The following SHTN1 variants were observed in gnomAD, a reference collection of about 807,000 sequenced individuals.
SHTN1 encodes shootin 1.
A neutral mutation model predicts 83.1 loss-of-function variants in SHTN1; 42 were observed. The observed-to-expected ratio is 0.51, with a 90% CI of 0.39 to 0.65. The LOEUF (loss-of-function observed/expected upper bound fraction) is 0.65, where lower values mean the gene tolerates loss of function less well. Ranked by LOEUF, SHTN1 falls within the 30% of genes least tolerant of loss-of-function variation. SHTN1 has a pLI of 0.00. For synonymous variants in SHTN1, 224 were observed against 247.7 expected (o/e 0.90, Z 0.90); for missense variants, 622 against 737.8 (o/e 0.84, Z 1.82).
At chr10:117,068,438 T>G (rs1256495241) in intron 1 of SHTN1, among the ~76,000 whole-genome samples, 1 of 151,890 alleles carries the variant, frequency 6.6e-6, no homozygotes, top group Non-Finnish European at 1.5e-5. Flanking sequence ...GGCACCAATC[T>G]CGGATTACAG....
intron 2 of SHTN1, among the ~76,000 whole-genome samples, chr10:117,017,176 G>A (rs1852191286): frequency 6.6e-6 from 1 of 152,106 alleles, no homozygotes; most frequent in Non-Finnish European, 1.5e-5. Context: ...AACAGCTGCA[G>A]TTAGAAAAAT....
At chr10:117,067,408 T>C (rs550905007) in intron 1 of SHTN1, among the ~76,000 whole-genome samples, 1 of 152,106 alleles carries the variant, frequency 6.6e-6, no homozygotes, top group South Asian at 2.1e-4. Context: ...CTAGCCAACA[T>C]GGGGGAAACC....
At chr10:117,005,577 T>C (rs2133550152), upstream of SHTN1, 1 of 995,468 alleles carries the variant, frequency 1.0e-6, no homozygotes, top group Non-Finnish European at 1.2e-6. Context: ...CGGGACGCAA[T>C]GAGCCATGAA....
intron 1 of SHTN1, among the ~76,000 whole-genome samples, chr10:117,001,730 G>A (rs558652502): frequency 6.6e-6 from 1 of 152,300 alleles, no homozygotes; most frequent in Non-Finnish European, 1.5e-5. Context: ...AGAGATAGAA[G>A]AGAGGACTTG....
chr10:117,064,473 G>C (rs1852943951), intron 1 of SHTN1, among the ~76,000 whole-genome samples: 1 of 152,070 alleles, frequency 6.6e-6, no homozygotes, highest in African/African-American at 2.4e-5. Context: ...GGCCAACATA[G>C]TGAAACTCCG....
chr10:116,934,660 T>C (rs1306586172), intron 9 of SHTN1, among the ~76,000 whole-genome samples: 2 of 152,182 alleles, frequency 1.3e-5, no homozygotes, highest in Non-Finnish European at 2.9e-5. Context: ...GGCTTTTTTT[T>C]CAGTTCCATA....
intron 16 of SHTN1, among the ~76,000 whole-genome samples, chr10:116,889,685 T>C (rs1847275343): frequency 6.6e-6 from 1 of 152,206 alleles, no homozygotes; most frequent in Admixed American, 6.5e-5. Flanking sequence ...GCCTTTTCCA[T>C]GACAGCATGC....
chr10:116,906,731 G>C lies in SHTN1; in HGVS notation c.1376C>G (p.Ser459Cys). 6.2e-7 allele frequency: 1 copy of C among 1,612,382 alleles called. No homozygotes were observed. Among genetic ancestry groups the C allele is most frequent in the Non-Finnish European group, 8.5e-7 (1 of 1,179,204 alleles). Reference protein sequence around the residue: ...LKGILGTLNKSTSSRSLKSLD... With the variant: ...LKGILGTLNKCTSSRSLKSLD... ...GGATTTTAAGCTTCTTGAACTAGTG[G>C]ATTTGTTAAGTGTCCCCTAAAGTGA... Residue 459 changes from serine to cysteine, a missense_variant, in exon 15 of 17, where the codon TCC becomes TGC. Around this residue, in one of 3 missense-constraint regions of SHTN1, gnomAD observed 231 missense variants for 251.6 expected, o/e 0.92. Coordinates refer to ENST00000355371, the MANE Select transcript of SHTN1 (RefSeq NM_001127211.3).
At chr10:117,125,735 A>G (rs1157815996) in intron 1 of SHTN1, among the ~76,000 whole-genome samples, 1 of 152,100 alleles carries the variant, frequency 6.6e-6, no homozygotes, top group Non-Finnish European at 1.5e-5. Flanking sequence ...TGATCATCTC[A>G]GAATTCTACA....
upstream of SHTN1, among the ~76,000 whole-genome samples, chr10:117,005,886 C>A (rs1851998227): frequency 6.6e-6 from 1 of 152,204 alleles, no homozygotes; most frequent in South Asian, 2.1e-4. Context: ...ATGACCTTCC[C>A]TTTAGAGAGG....
At chr10:117,044,398 C>G (rs1394475934) in intron 2 of SHTN1, among the ~76,000 whole-genome samples, 1 of 152,028 alleles carries the variant, frequency 6.6e-6, no homozygotes. Context: ...CTCACCTACA[C>G]GAAAGCCTTA....
intron 16 of SHTN1, among the ~76,000 whole-genome samples, chr10:116,890,827 A>G (rs1022781655): frequency 2.0e-5 from 3 of 152,262 alleles, no homozygotes; most frequent in Non-Finnish European, 2.9e-5. Context: ...GGCAATGGCC[A>G]TGCCAACGCT....
At chr10:117,101,828 C>T (rs1462575169) in intron 1 of SHTN1, among the ~76,000 whole-genome samples, 1 of 152,122 alleles carries the variant, frequency 6.6e-6, no homozygotes, top group Non-Finnish European at 1.5e-5. Flanking sequence ...TACTTTTGGA[C>T]CACTTGGCTG....
chr10:117,099,188 G>A (rs904997606), intron 1 of SHTN1, among the ~76,000 whole-genome samples: 1 of 151,952 alleles, frequency 6.6e-6, no homozygotes, highest in Non-Finnish European at 1.5e-5. Context: ...ATATGAGGAC[G>A]CAAAAACATG....
At position 117,097,135 on chromosome 10, in the gene SHTN1, A is replaced by T. The variant is rs4489660; in HGVS notation, c.-189+29172T>A. Reference sequence around the variant, plus strand: ...CTCAAATTCTTCATTTCATAACTTCATCTTATAAACTGGTTTGGTTCTCTG... The same window carrying T: ...CTCAAATTCTTCATTTCATAACTTCTTCTTATAAACTGGTTTGGTTCTCTG... On this transcript the variant is annotated intron_variant, in intron 1 of 17. Transcript: ENST00000392901. 8.2e-3 allele frequency among the ~76,000 whole-genome samples: 1,249 copies of T among 152,316 alleles called. 12 individuals carry two copies. Among genetic ancestry groups the T allele is most frequent in the Non-Finnish European group, 0.014 (951 of 68,036 alleles).
chr10:116,940,394 C>T, intron 9 of SHTN1, 72 bp downstream of exon 9: 3 of 1,455,760 alleles, frequency 2.1e-6, no homozygotes, highest in South Asian at 1.4e-5. Flanking sequence ...CACTGGCTCC[C>T]TTCATCTTAA....
chr10:117,010,517 C>A (rs892968015), upstream of SHTN1, among the ~76,000 whole-genome samples: 1 of 152,130 alleles, frequency 6.6e-6, no homozygotes, highest in Non-Finnish European at 1.5e-5. Flanking sequence ...AGAATTAACA[C>A]CAGTCTTTCT....
intron 16 of SHTN1, among the ~76,000 whole-genome samples, chr10:116,888,919 CTAA>C (rs1473395161): frequency 6.6e-6 from 1 of 152,258 alleles, no homozygotes; most frequent in African/African-American, 2.4e-5. Flanking sequence ...TGCAGCCCAG[CTAA>C]GGTTCCAGGG....
intron 11 of SHTN1, among the ~76,000 whole-genome samples, chr10:116,923,206 G>A (rs563820464): frequency 1.6e-4 from 25 of 152,210 alleles, no homozygotes; most frequent in African/African-American, 5.8e-4. Flanking sequence ...AAGAATTAGG[G>A]TACCAGTATT....
Sources: allele counts gnomAD v4.1 joint callset (sites outside exome capture counted in the v4.1 genomes callset), GRCh38; gene constraint gnomAD v4.1.1; regional missense constraint gnomAD v4.1.1; transcripts MANE v1.5; gene names NCBI Gene and HGNC (gene_info 2026-07-23, HGNC 2026-07-21).